UBASH3A: variants seen among roughly 807,000 people sequenced by gnomAD.
UBASH3A encodes the protein ubiquitin associated and SH3 domain containing A.
UBASH3A carries 63 observed loss-of-function variants against 73.5 expected under a neutral mutation model. That is an observed-to-expected ratio of 0.86 (90% CI 0.70 to 1.06). UBASH3A has a LOEUF of 1.06. Ranked by LOEUF, UBASH3A falls within the 50% of genes least tolerant of loss-of-function variation. UBASH3A has a pLI of 0.00. For missense variants in UBASH3A, 860 were observed against 859.0 expected, an observed-to-expected ratio of 1.00 and a Z score of -0.02; for synonymous variants, 363 against 351.1, an observed-to-expected ratio of 1.03 and a Z score of -0.38.
intron 7 of UBASH3A, among the ~76,000 whole-genome samples, chr21:42,419,122 G>T (rs2053284141): frequency 6.6e-6 from 1 of 152,192 alleles, no homozygotes; most frequent in African/African-American, 2.4e-5. Context: ...CCAGGGCTGG[G>T]CTCCCCACTG....
At chr21:42,428,768 G>A (rs1181859201) in intron 8 of UBASH3A, among the ~76,000 whole-genome samples, 2 of 151,986 alleles carry the variant, frequency 1.3e-5, no homozygotes, top group Admixed American at 6.5e-5. Flanking sequence ...TGTCTAAACC[G>A]TGCTTTCAAT....
At chr21:42,427,003 C>G (rs555099429) in intron 8 of UBASH3A, among the ~76,000 whole-genome samples, 183 bp downstream of exon 8, 3 of 152,298 alleles carry the variant, frequency 2.0e-5, no homozygotes, top group African/African-American at 7.2e-5. Context: ...CTGCCCTGGT[C>G]TGTCTGCTCT....
chr21:42,442,414 G>T (rs1188546989), intron 11 of UBASH3A, 38 bp from the exon 12 acceptor site: 1 of 1,606,398 alleles, frequency 6.2e-7, no homozygotes, highest in Non-Finnish European at 8.5e-7. Context: ...CAGGGTGGAT[G>T]TTGAGGATGA....
At chr21:42,432,886 A>C (rs1053479985) in intron 9 of UBASH3A, among the ~76,000 whole-genome samples, 2 of 152,376 alleles carry the variant, frequency 1.3e-5, no homozygotes, top group East Asian at 3.9e-4. Flanking sequence ...TCTATAAAAC[A>C]AGATCAAGTA....
At chr21:42,441,681 T>C (rs549967897) in intron 11 of UBASH3A, among the ~76,000 whole-genome samples, 103 of 148,822 alleles carry the variant, frequency 6.9e-4, no homozygotes, top group African/African-American at 2.4e-3. Flanking sequence ...GAAGGAGGAC[T>C]TGGGGGCCTG....
In UBASH3A at chr21:42,416,295, A is replaced by C. The variant is rs150047018; in HGVS notation, c.668-147A>C. On this transcript the variant is annotated intron_variant, in intron 5 of 14. Transcript: ENST00000319294. ...TGGAAAAATCTACAGGGATCCAGCC[A>C]TCTCCTTTATGATGTGAGTTCTGAG... is the stretch of plus-strand genomic sequence containing the variant. 5,961 of 744,252 alleles carry C rather than the reference A, an allele frequency of 8.0e-3. 73 individuals are homozygous for C. Among genetic ancestry groups the C allele is most frequent in the East Asian group, 0.038 (1,127 of 29,348 alleles). 46.1% of individuals were successfully genotyped at this position (744,252 alleles called of 1,614,324 possible). A position where few individuals can be genotyped will look rare whatever the true frequency, so the allele number is the denominator to read the frequency against.
Position 42,406,206 on chromosome 21 carries a change from AC to A in UBASH3A, c.114-96del, listed in dbSNP as rs979097629. The A allele has an allele frequency of 3.3e-5, 31 of 930,068 alleles. No homozygotes were observed. In the African/African-American group the frequency reaches 3.6e-4, roughly 11 times the overall value. The allele number at this position is 930,068 out of a possible 1,614,324, so 57.6% of individuals were successfully genotyped here. A position where few individuals can be genotyped will look rare whatever the true frequency, so the allele number is the denominator to read the frequency against. ...TTCAGCATCAGGCCCTCTTCAGAGC[AC>A]CCCCCAAAGATCCTGGGTGTGCAAG... On this transcript the variant is annotated intron_variant, in intron 1 of 14. Transcript: ENST00000319294.
At chr21:42,434,723 T>C in intron 9 of UBASH3A, 109 bp from the exon 10 acceptor site, 5 of 1,262,352 alleles carry the variant, frequency 4.0e-6, no homozygotes, top group Non-Finnish European at 5.5e-6. Flanking sequence ...TTGACAATAA[T>C]TTCAATAATA....
intron 6 of UBASH3A, 142 bp from the exon 7 acceptor site, chr21:42,418,259 A>C (rs554432645): frequency 1.4e-6 from 1 of 712,694 alleles, no homozygotes; most frequent in African/African-American, 1.8e-5. Flanking sequence ...TTGCCAGACA[A>C]AGCTTTGGAT....
chr21:42,404,491 G>A (rs547568328), intron 1 of UBASH3A, among the ~76,000 whole-genome samples: 5 of 152,238 alleles, frequency 3.3e-5, no homozygotes, highest in East Asian at 3.9e-4. Flanking sequence ...AGACCAGCTC[G>A]GCTGGCTGAC....
Position 42,418,582 on chromosome 21 carries a change from G to A in UBASH3A, c.1019G>A (p.Ser340Asn), listed in dbSNP as rs1281090384. ...CCGGAAAACTACACGGATCGAGCCA[G>A]TGAGTCTGACACGTGGGTGAAGCAC... ...FLPENYTDRA[S>N]ESDTWVKHRM... The change falls in exon 7 of 15, where the codon AGT becomes AAT. Residue 340 changes from serine to asparagine, a missense_variant. Physicochemically the swap from Ser to Asn is conservative, Grantham distance 46. Transcript: ENST00000319294. 3.1e-6 allele frequency: 5 copies of A among 1,614,066 alleles called. No individual in the cohort carries two copies. Among genetic ancestry groups the A allele is most frequent in the Non-Finnish European group, 8.5e-7 (1 of 1,180,046 alleles).
intron 9 of UBASH3A, among the ~76,000 whole-genome samples, chr21:42,432,607 A>C (rs1049972228): frequency 6.6e-6 from 1 of 152,214 alleles, no homozygotes; most frequent in Non-Finnish European, 1.5e-5. Flanking sequence ...TAATCTCCTA[A>C]TAGGAAGCCT....
Position 42,426,834 on chromosome 21 carries a change from C to G in UBASH3A, c.1170+14C>G. The G allele has an allele frequency of 1.2e-6, 2 of 1,611,558 alleles. No individual in the cohort carries two copies. Among genetic ancestry groups the G allele is most frequent in the East Asian group, 2.2e-5 (1 of 44,862 alleles). On this transcript the variant is annotated intron_variant, in intron 8 of 14. Transcript: ENST00000319294. ...CAGGCCTTGCAGGTAATAGAACATT[C>G]CCTTTTTTCTTTTAAGTAAACTAAG...
At chr21:42,409,321 T>C (rs2146494747) in intron 2 of UBASH3A, 101 bp from the exon 3 acceptor site, 1 of 1,232,896 alleles carries the variant, frequency 8.1e-7, no homozygotes, top group Non-Finnish European at 1.1e-6. Context: ...GTGTGCCCTA[T>C]AATTCTGCAT....
intron 11 of UBASH3A, among the ~76,000 whole-genome samples, chr21:42,437,959 C>T (rs760016582): frequency 3.3e-5 from 5 of 152,190 alleles, no homozygotes; most frequent in Non-Finnish European, 5.9e-5. Context: ...CTTCCCAGGG[C>T]AATGCACTGG....
intron 5 of UBASH3A, among the ~76,000 whole-genome samples, chr21:42,415,456 G>A (rs34723737): frequency 0.067 from 10,145 of 152,236 alleles, 553 homozygotes; most frequent in East Asian, 0.28. Flanking sequence ...CACCTCTCAC[G>A]TGGGAGACAG....
At chr21:42,424,302 C>G (rs1300998486) in intron 7 of UBASH3A, among the ~76,000 whole-genome samples, 1 of 152,158 alleles carries the variant, frequency 6.6e-6, no homozygotes. Flanking sequence ...GTCTGCAGCT[C>G]TGATGAATAG....
In UBASH3A at chr21:42,413,230, G is replaced by A. The variant is rs564793731; in HGVS notation, c.553+8G>A. The A allele has an allele frequency of 6.2e-7, 1 of 1,614,096 alleles. No individual in the cohort carries two copies. Among genetic ancestry groups the A allele is most frequent in the Non-Finnish European group, 8.5e-7 (1 of 1,180,002 alleles). On this transcript the variant is annotated splice_region_variant and intron_variant, in intron 4 of 14. Transcript: ENST00000319294. This position sits in a 1 kb window ranked among gnomAD's most constrained non-coding sequence, Gnocchi z 4.5. ...AAGCATCTCTCTTAGCAGGTGGGCA[G>A]CCCTGGCCAGTTGCAAACACAGGGC...
chr21:42,410,035 G>C, intron 3 of UBASH3A: 2 of 700,994 alleles, frequency 2.9e-6, no homozygotes, highest in Non-Finnish European at 5.2e-6. Context: ...CAGAGTTTGT[G>C]CTTCCAAAAT....
Sources: allele counts gnomAD v4.1 joint callset (sites outside exome capture counted in the v4.1 genomes callset), GRCh38; gene constraint gnomAD v4.1.1; non-coding constraint Gnocchi (gnomAD v3.1); transcripts MANE v1.5; gene names NCBI Gene and HGNC (gene_info 2026-07-23, HGNC 2026-07-21).